The following MLF1 variants were observed in gnomAD, a reference collection of about 807,000 sequenced individuals.
The protein encoded by MLF1 is myelodysplasia-myeloid leukemia factor 1.
In MLF1, 37 loss-of-function variants were observed where a neutral mutation model predicts 38.3. That is an observed-to-expected ratio of 0.96 (90% CI 0.74 to 1.27). The LOEUF (loss-of-function observed/expected upper bound fraction) is 1.27. Among genes scored for constraint, MLF1 ranks in the 50% most tolerant of loss-of-function variants. The probability of loss-of-function intolerance (pLI) is 0.00; values close to 1 mark genes in which losing one functional copy is unlikely to be tolerated. For synonymous variants in MLF1, 95 were observed against 106.5 expected (o/e 0.89, Z 0.66); for missense variants, 331 against 349.2 (o/e 0.95, Z 0.42).
At chr3:158,593,015 G>T (rs1025241828) in intron 2 of MLF1, among the ~76,000 whole-genome samples, 1 of 151,878 alleles carries the variant, frequency 6.6e-6, no homozygotes, top group African/African-American at 2.4e-5. Flanking sequence ...ATATGGTTAC[G>T]TATGGACCTT....
chr3:158,600,059 G>C lies in MLF1; in HGVS notation c.499G>C (p.Glu167Gln). 6.9e-7 allele frequency: 1 copy of C among 1,455,494 alleles called. No homozygotes were observed. The highest frequency in any genetic ancestry group is 2.0e-5 in the Admixed American group (1 of 49,024). 90.2% of individuals were successfully genotyped at this position (1,455,494 alleles called of 1,614,324 possible). ...AATGAGAGATTCTGACAGTGGACTA[G>C]AAAAAATGGCTATTGGTCATCATAT... ...KAMRDSDSGLEKMAIGHHIHD... is the reference protein window; with the variant it reads ...KAMRDSDSGLQKMAIGHHIHD... The change falls in exon 6 of 8, where the codon GAA (glutamate) becomes CAA (glutamine). Residue 167 changes from glutamate to glutamine, a missense_variant. Coordinates refer to ENST00000466246, the MANE Select transcript of MLF1 (RefSeq NM_001369783.1).
At chr3:158,583,930 A>G (rs1048793332) in intron 1 of MLF1, among the ~76,000 whole-genome samples, 8 of 152,158 alleles carry the variant, frequency 5.3e-5, no homozygotes, top group African/African-American at 1.7e-4. Context: ...AACTGGACCA[A>G]CTCTCTTGCA....
intron 1 of MLF1, among the ~76,000 whole-genome samples, chr3:158,587,414 T>A (rs575476955): frequency 2.0e-5 from 3 of 152,318 alleles, no homozygotes; most frequent in African/African-American, 4.8e-5. Flanking sequence ...TAGTCCTCAC[T>A]GGCTGCCCCA....
chr3:158,586,799 G>A (rs1471117609), intron 1 of MLF1, among the ~76,000 whole-genome samples: 2 of 112,034 alleles, frequency 1.8e-5, no homozygotes, highest in African/African-American at 8.5e-5. Context: ...GCTGATTAAG[G>A]AAAAAATGTG....
chr3:158,599,967 C>A, intron 5 of MLF1, 47 bp from the exon 6 acceptor site: 1 of 910,644 alleles, frequency 1.1e-6, no homozygotes, highest in Non-Finnish European at 1.4e-6. Context: ...CTGAGATATA[C>A]ATTCTATATA....
At chr3:158,588,497 G>A (rs1035256195) in intron 1 of MLF1, among the ~76,000 whole-genome samples, 1 of 151,528 alleles carries the variant, frequency 6.6e-6, no homozygotes, top group Non-Finnish European at 1.5e-5. Flanking sequence ...GCTACTCGGG[G>A]GGCTGAGGCA....
At chr3:158,588,032 A>T (rs1468866781) in intron 1 of MLF1, among the ~76,000 whole-genome samples, 1 of 152,056 alleles carries the variant, frequency 6.6e-6, no homozygotes, top group African/African-American at 2.4e-5. Flanking sequence ...ATTAAAGAGC[A>T]TGGCTTCTGT....
chr3:158,599,650 T>C (rs1719447990), intron 5 of MLF1, among the ~76,000 whole-genome samples: 1 of 152,158 alleles, frequency 6.6e-6, no homozygotes, highest in Non-Finnish European at 1.5e-5. Flanking sequence ...CCAATCAATA[T>C]GACTGATGAA....
At chr3:158,574,523 A>AAAAAAAAAAAAAAAAAACAAAAAC (rs1553830589) in intron 1 of MLF1, among the ~76,000 whole-genome samples, 1 of 115,698 alleles carries the variant, frequency 8.6e-6, no homozygotes, top group African/African-American at 2.9e-5. Flanking sequence ...AAAAAAAAAA[A>AAAAAAAAAAAAAAAAAACAAAAAC]AAAATACAAA....
At chr3:158,593,118 C>G (rs1718397280) in intron 2 of MLF1, among the ~76,000 whole-genome samples, 1 of 148,608 alleles carries the variant, frequency 6.7e-6, no homozygotes, top group Admixed American at 6.7e-5. Context: ...CTAGAGGTTA[C>G]AAACATACTC....
At chr3:158,572,403 A>C (rs1409341238) in intron 1 of MLF1, among the ~76,000 whole-genome samples, 1 of 98,058 alleles carries the variant, frequency 1.0e-5, no homozygotes, top group Non-Finnish European at 2.0e-5. Context: ...GATTGAGGGC[A>C]TGAGTTGGTG....
chr3:158,592,187 T>A (rs1718253562), intron 1 of MLF1, among the ~76,000 whole-genome samples: 1 of 152,170 alleles, frequency 6.6e-6, no homozygotes, highest in African/African-American at 2.4e-5. Flanking sequence ...CTCCTGAATG[T>A]GGAGTGCTTT....
intron 2 of MLF1, 95 bp from the exon 3 acceptor site, chr3:158,593,287 A>G (rs898457085): frequency 2.2e-6 from 2 of 921,830 alleles, no homozygotes; most frequent in Non-Finnish European, 3.2e-6. Context: ...ATTGAAATGT[A>G]GCAATTTGAA....
At chr3:158,579,689 T>G (rs1380596865) in intron 1 of MLF1, among the ~76,000 whole-genome samples, 1 of 152,254 alleles carries the variant, frequency 6.6e-6, no homozygotes, top group Non-Finnish European at 1.5e-5. Flanking sequence ...ATTTTGATTC[T>G]GTAGAAAAGT....
intron 3 of MLF1, among the ~76,000 whole-genome samples, chr3:158,596,440 A>G (rs952630932): frequency 6.6e-6 from 1 of 152,166 alleles, no homozygotes; most frequent in African/African-American, 2.4e-5. Context: ...CTGGCATCTT[A>G]TACGCAAATT....
At position 158,600,104 on chromosome 3, in the gene MLF1, A is replaced by C; in HGVS notation, c.544A>C (p.Ile182Leu). The C allele has an allele frequency of 6.7e-7, 1 of 1,486,512 alleles. No individual in the cohort carries two copies. The highest frequency in any genetic ancestry group is 9.0e-7 in the Non-Finnish European group (1 of 1,111,044). 92.1% of individuals were successfully genotyped at this position (1,486,512 alleles called of 1,614,324 possible). The part of the protein sequence containing the change: ...GHHIHDRAHV[I>L]KKSKNKKTGD... ...TCATATCCATGACCGAGCTCATGTC[A>C]TTAAAAAGTCAAAGAACAAGAAGAC... Residue 182 changes from isoleucine (I) to leucine (L), a missense_variant, in exon 6 of 8, where the codon ATT becomes CTT. Physicochemically the swap from Ile to Leu is conservative, Grantham distance 5. Coordinates refer to ENST00000466246, the MANE Select transcript of MLF1 (RefSeq NM_001369783.1).
At chr3:158,575,695 A>AT (rs1334018723) in intron 1 of MLF1, among the ~76,000 whole-genome samples, 1 of 152,128 alleles carries the variant, frequency 6.6e-6, no homozygotes, top group Non-Finnish European at 1.5e-5. Flanking sequence ...GAGTCAGTAA[A>AT]TGTTGTTTAA....
intron 1 of MLF1, among the ~76,000 whole-genome samples, chr3:158,583,168 G>C (rs908529883): frequency 6.6e-6 from 1 of 152,158 alleles, no homozygotes; most frequent in Non-Finnish European, 1.5e-5. Context: ...GAAAATGACT[G>C]TATATGACGG....
intron 1 of MLF1, among the ~76,000 whole-genome samples, chr3:158,590,381 A>C (rs888703935): frequency 2.0e-5 from 3 of 152,056 alleles, no homozygotes; most frequent in Admixed American, 2.0e-4. Flanking sequence ...GTTTTCATAA[A>C]ATTTACATAC....
Sources: allele counts gnomAD v4.1 joint callset (sites outside exome capture counted in the v4.1 genomes callset), GRCh38; gene constraint gnomAD v4.1.1; transcripts MANE v1.5; gene names NCBI Gene and HGNC (gene_info 2026-07-23, HGNC 2026-07-21).